The following NAALADL2 variants were observed in gnomAD, a reference collection of about 807,000 sequenced individuals.
NAALADL2 encodes N-acetylated alpha-linked acidic dipeptidase like 2, also known as inactive N-acetylated-alpha-linked acidic dipeptidase-like protein 2.
In NAALADL2, 76 loss-of-function variants were observed where a neutral mutation model predicts 87.2. The ratio of observed to expected loss-of-function variants is 0.87; its 90% CI spans 0.72 to 1.05. NAALADL2 has a LOEUF of 1.05. Among genes scored for constraint, NAALADL2 ranks in the 50% least tolerant of loss-of-function variants. The probability of loss-of-function intolerance (pLI) is 0.00; values close to 1 mark genes in which losing one functional copy is unlikely to be tolerated. For synonymous variants in NAALADL2, 354 were observed against 331.0 expected (o/e 1.07, Z -0.75); for missense variants, 1,089 against 945.8 (o/e 1.15, Z -1.99).
chr3:174,829,413 A>G (rs559203069), intron 3 of NAALADL2, among the ~76,000 whole-genome samples: 171 of 147,032 alleles, frequency 1.2e-3, no homozygotes, highest in African/African-American at 4.1e-3. Context: ...ATGGTTTCCA[A>G]TTTCATCCAT....
intron 10 of NAALADL2, among the ~76,000 whole-genome samples, chr3:175,613,482 G>T (rs1724931749): frequency 6.6e-6 from 1 of 152,142 alleles, no homozygotes; most frequent in Non-Finnish European, 1.5e-5. Context: ...TATATGAAAT[G>T]AACATACATT....
In NAALADL2 at chr3:174,529,361, G is replaced by A. The variant is rs568197693; in HGVS notation, c.-183-21208G>A. Among the ~76,000 whole-genome samples, 5 of 152,340 alleles carry A rather than the reference G, an allele frequency of 3.3e-5. No individual in the cohort carries two copies. The East Asian group carries it at 7.7e-4, about 24-fold the overall frequency. ...TGCTCTGCCCCTGTGGCTCTGCAGG[G>A]TAAAGCCTCCTTCCCTGCTGCTTTC... On this transcript the variant is annotated intron_variant, in intron 1 of 3. Coordinates refer to the NAALADL2 transcript ENST00000434257.
chr3:174,930,882 A>C, intron 1 of NAALADL2, among the ~76,000 whole-genome samples: 1 of 151,936 alleles, frequency 6.6e-6, no homozygotes, highest in Middle Eastern at 3.2e-3. Context: ...TCGGCCTCCC[A>C]AAGTGCTGGG....
intron 2 of NAALADL2, among the ~76,000 whole-genome samples, chr3:175,107,103 G>T (rs1247155297): frequency 6.6e-6 from 1 of 151,984 alleles, no homozygotes; most frequent in African/African-American, 2.4e-5. Context: ...TTTGCAAATT[G>T]TAGATGCTTG....
rs1297830446 is a variant in NAALADL2 at position 175,809,511 on chromosome 3, TAAAAA to T, written c.*6332_*6336del. The T allele has an allele frequency of 3.2e-5, 1 of 31,506 alleles. No homozygotes were observed. The highest frequency in any genetic ancestry group is 5.7e-5 in the Non-Finnish European group (1 of 17,644). The allele number at this position is 31,506 out of a possible 1,614,324, so 2.0% of individuals were successfully genotyped here. A position where few individuals can be genotyped will look rare whatever the true frequency, so the allele number is the denominator to read the frequency against. On this transcript the variant is annotated 3_prime_UTR_variant, in exon 14 of 14. Coordinates refer to ENST00000454872, the MANE Select transcript of NAALADL2 (RefSeq NM_207015.3). Reference sequence around the variant, plus strand: ...CAACAAAGTGAGACCCTGTCTCTCTTAAAAAAAAAAAAAAAAAAAAAAAAAAAAGA... The same window carrying T: ...CAACAAAGTGAGACCCTGTCTCTCTTAAAAAAAAAAAAAAAAAAAAAAAGA...
chr3:175,421,598 G>A (rs1236988512), intron 5 of NAALADL2, among the ~76,000 whole-genome samples: 1 of 152,010 alleles, frequency 6.6e-6, no homozygotes, highest in Non-Finnish European at 1.5e-5. Context: ...GTACACAGAA[G>A]GGCAAACAAA....
rs144790287 is a variant in NAALADL2 at position 175,683,896 on chromosome 3, G to A, written c.1897-53410G>A. ...AAGTATAGCCTACAAGTGAGACAAA[G>A]TGTTGAAAAATAAGGAAGAAAAAAG... On this transcript the variant is annotated intron_variant, in intron 11 of 13. Coordinates refer to ENST00000454872, the MANE Select transcript of NAALADL2 (RefSeq NM_207015.3). Among the ~76,000 whole-genome samples the A allele has an allele frequency of 4.2e-3, 643 of 152,088 alleles. 7 individuals carry two copies. The highest frequency in any genetic ancestry group is 0.015 in the African/African-American group (605 of 41,532).
chr3:174,802,371 A>C (rs2109255624), intron 3 of NAALADL2, among the ~76,000 whole-genome samples: 1 of 152,320 alleles, frequency 6.6e-6, no homozygotes, highest in African/African-American at 2.4e-5. Flanking sequence ...TTAAATCTTA[A>C]GAAATATAGG....
chr3:174,598,738 C>T (rs530805066), intron 2 of NAALADL2, among the ~76,000 whole-genome samples: 31 of 152,076 alleles, frequency 2.0e-4, no homozygotes, highest in Non-Finnish European at 3.5e-4. Flanking sequence ...GAAGTCGACT[C>T]AGACATTACT....
At chr3:175,077,746 T>C (rs995566084) in intron 1 of NAALADL2, among the ~76,000 whole-genome samples, 50 of 152,114 alleles carry the variant, frequency 3.3e-4, no homozygotes, top group African/African-American at 1.0e-3. Context: ...TGATATCCTA[T>C]ATATAATGTT....
At chr3:175,005,447 C>T (rs1748885788) in intron 1 of NAALADL2, among the ~76,000 whole-genome samples, 1 of 152,134 alleles carries the variant, frequency 6.6e-6, no homozygotes, top group African/African-American at 2.4e-5. Context: ...CTCTCAATGT[C>T]GAACCTCCTT....
chr3:174,829,336 A>G (rs1399840944), intron 3 of NAALADL2, among the ~76,000 whole-genome samples: 1 of 150,476 alleles, frequency 6.6e-6, no homozygotes, highest in Non-Finnish European at 1.5e-5. Flanking sequence ...TCATTGTTCA[A>G]TTCCCACCTA....
intron 2 of NAALADL2, among the ~76,000 whole-genome samples, chr3:174,663,958 T>C (rs1280209457): frequency 6.6e-6 from 1 of 151,970 alleles, no homozygotes; most frequent in Non-Finnish European, 1.5e-5. Context: ...CAGCTAATTT[T>C]TGTATTTTTA....
chr3:175,371,172 TTCA>T (rs1766431174), intron 5 of NAALADL2, among the ~76,000 whole-genome samples: 2 of 152,184 alleles, frequency 1.3e-5, no homozygotes, highest in East Asian at 3.8e-4. Context: ...TATATTTAGC[TTCA>T]TCTTAAAAGT....
chr3:175,317,557 T>G (rs1759313678), intron 4 of NAALADL2, among the ~76,000 whole-genome samples: 1 of 152,028 alleles, frequency 6.6e-6, no homozygotes, highest in Non-Finnish European at 1.5e-5. Flanking sequence ...TTCACAGACC[T>G]TGTCCTACTT....
At chr3:175,368,287 T>A (rs1765931506) in intron 5 of NAALADL2, among the ~76,000 whole-genome samples, 1 of 152,312 alleles carries the variant, frequency 6.6e-6, no homozygotes, top group Middle Eastern at 3.4e-3. Context: ...TTTGCATCAA[T>A]GTTCATCAAG....
At chr3:175,110,883 A>G (rs1362659744) in intron 2 of NAALADL2, among the ~76,000 whole-genome samples, 1 of 151,742 alleles carries the variant, frequency 6.6e-6, no homozygotes, top group African/African-American at 2.4e-5. Flanking sequence ...AAGATGAATG[A>G]CAAGAGAAAG....
At chr3:175,601,258 T>C (rs545126215) in intron 10 of NAALADL2, among the ~76,000 whole-genome samples, 1 of 152,300 alleles carries the variant, frequency 6.6e-6, no homozygotes, top group Admixed American at 6.5e-5. Context: ...AAAATGGAAA[T>C]AATTAATAAC....
intron 2 of NAALADL2, among the ~76,000 whole-genome samples, chr3:174,592,049 T>A (rs1051035467): frequency 6.6e-6 from 1 of 152,122 alleles, no homozygotes; most frequent in East Asian, 1.9e-4. Context: ...GAGTTTTTTT[T>A]AAATGACATT....
Sources: gnomAD v4.1 joint callset for allele counts (sites outside exome capture counted in the v4.1 genomes callset) on GRCh38, gnomAD v4.1.1 for gene constraint, MANE v1.5 for transcripts, NCBI Gene and HGNC (gene_info 2026-07-23, HGNC 2026-07-21) for gene names.